ZNF521: variants seen among roughly 807,000 people sequenced by gnomAD.
The protein encoded by ZNF521 is LYST-interacting protein 3.
A neutral mutation model predicts 105.5 loss-of-function variants in ZNF521; 14 were observed. The observed-to-expected ratio is 0.13, with a 90% CI of 0.09 to 0.21. The LOEUF (loss-of-function observed/expected upper bound fraction) is 0.21. Ranked by LOEUF, ZNF521 falls within the 10% of genes least tolerant of loss-of-function variation. ZNF521 has a pLI of 1.00. For missense variants in ZNF521, 1,233 were observed against 1,629.7 expected (o/e 0.76, Z 4.19); for synonymous variants, 635 against 606.0 (o/e 1.05, Z -0.70).
chr18:25,245,601 A>G (rs1907651102), intron 3 of ZNF521, among the ~76,000 whole-genome samples: 1 of 152,208 alleles, frequency 6.6e-6, no homozygotes, highest in Admixed American at 6.5e-5. Flanking sequence ...TTGTTCATCA[A>G]ACGGGCATTT....
intron 3 of ZNF521, among the ~76,000 whole-genome samples, chr18:25,273,132 C>A (rs1164254674): frequency 1.5e-5 from 2 of 136,288 alleles, no homozygotes; most frequent in Non-Finnish European, 3.0e-5. Context: ...GGGGCTAAGG[C>A]AGGAGAATCA....
intron 5 of ZNF521, among the ~76,000 whole-genome samples, chr18:25,104,763 T>C (rs2034037690): frequency 6.6e-6 from 1 of 152,102 alleles, no homozygotes; most frequent in Non-Finnish European, 1.5e-5. Flanking sequence ...CATCTCAGAA[T>C]ACAGGAGAAA....
At chr18:25,254,581 T>A (rs1908347878) in intron 3 of ZNF521, among the ~76,000 whole-genome samples, 1 of 152,068 alleles carries the variant, frequency 6.6e-6, no homozygotes, top group South Asian at 2.1e-4. Flanking sequence ...TAGATCAAGG[T>A]AGCTTCTATA....
chr18:25,218,606 C>A (rs1336380401), intron 4 of ZNF521, among the ~76,000 whole-genome samples: 1 of 151,186 alleles, frequency 6.6e-6, no homozygotes, highest in Non-Finnish European at 1.5e-5. Flanking sequence ...GACCCATGAT[C>A]CCACCACTGT....
At chr18:25,347,925 T>G (rs988318904) in intron 2 of ZNF521, among the ~76,000 whole-genome samples, 1 of 152,228 alleles carries the variant, frequency 6.6e-6, no homozygotes, top group Admixed American at 6.5e-5. Flanking sequence ...AAGACAGAAG[T>G]TGGAAATTCA....
At chr18:25,184,116 A>G (rs1285478986) in intron 5 of ZNF521, among the ~76,000 whole-genome samples, 1 of 152,164 alleles carries the variant, frequency 6.6e-6, no homozygotes, top group Non-Finnish European at 1.5e-5. Context: ...GAAATTACCC[A>G]CTGAGACTCT....
chr18:25,278,896 A>G (rs1910200582), intron 3 of ZNF521, among the ~76,000 whole-genome samples: 1 of 152,232 alleles, frequency 6.6e-6, no homozygotes, highest in Non-Finnish European at 1.5e-5. Flanking sequence ...CAGGTACTTT[A>G]TAACTCCGTT....
At chr18:25,110,764 C>T (rs2034172091) in intron 5 of ZNF521, among the ~76,000 whole-genome samples, 1 of 151,700 alleles carries the variant, frequency 6.6e-6, no homozygotes, top group African/African-American at 2.4e-5. Context: ...TAACATTTCC[C>T]CCTCCTTTTT....
chr18:25,310,421 A>G (rs1912235875), intron 3 of ZNF521, among the ~76,000 whole-genome samples: 1 of 149,146 alleles, frequency 6.7e-6, no homozygotes. Context: ...ATTTAAAACA[A>G]AAAACAGAAA....
At chr18:25,282,361 C>A (rs80260043) in intron 3 of ZNF521, among the ~76,000 whole-genome samples, 1 of 152,042 alleles carries the variant, frequency 6.6e-6, no homozygotes, top group Admixed American at 6.5e-5. Flanking sequence ...GAAAGCCAGG[C>A]GGCTTGTGAC....
intron 5 of ZNF521, among the ~76,000 whole-genome samples, chr18:25,106,326 C>T (rs1283387409): frequency 6.6e-6 from 1 of 151,904 alleles, no homozygotes; most frequent in African/African-American, 2.4e-5. Flanking sequence ...TGGAAAATAC[C>T]AGGAAAACCA....
chr18:25,097,819 A>G (rs534531784), intron 5 of ZNF521, among the ~76,000 whole-genome samples: 10 of 152,298 alleles, frequency 6.6e-5, no homozygotes, highest in African/African-American at 2.2e-4. Context: ...TTTTTAGCCA[A>G]TGGTCTAAAG....
chr18:25,066,467 G>A (rs1032931340), intron 7 of ZNF521, among the ~76,000 whole-genome samples: 6 of 152,282 alleles, frequency 3.9e-5, no homozygotes, highest in Non-Finnish European at 2.9e-5. Context: ...TGGTTTATTC[G>A]ATTGGCTTTT....
At chr18:25,229,025 G>A (rs536687574) in intron 3 of ZNF521, among the ~76,000 whole-genome samples, 1 of 152,152 alleles carries the variant, frequency 6.6e-6, no homozygotes, top group Admixed American at 6.5e-5. Flanking sequence ...GGCTCAGTTA[G>A]AGCATTATTA....
intron 3 of ZNF521, among the ~76,000 whole-genome samples, chr18:25,233,141 AT>A (rs1906646172): frequency 6.6e-6 from 1 of 152,192 alleles, no homozygotes; most frequent in African/African-American, 2.4e-5. Context: ...CACAGTAACA[AT>A]TTTACACCAT....
Position 25,170,108 on chromosome 18 carries a change from TTTTC to T in ZNF521, c.3658+25048_3658+25051del, listed in dbSNP as rs540538854. Among the ~76,000 whole-genome samples, 770 of 151,912 alleles carry T rather than the reference TTTTC, an allele frequency of 5.1e-3. 5 individuals carry two copies. The highest frequency in any genetic ancestry group is 0.018 in the African/African-American group (750 of 41,436). On this transcript the variant is annotated intron_variant, in intron 5 of 7. Transcript: ENST00000361524. The stretch of plus-strand genomic sequence containing the variant: ...AAGCTGCAGATGTTAATAGAAGTAG[TTTTC>T]TTTCTTTCTTTTTTTTTTTTAAGGA...
At chr18:25,171,520 T>G (rs1042394186) in intron 5 of ZNF521, among the ~76,000 whole-genome samples, 8 of 152,136 alleles carry the variant, frequency 5.3e-5, no homozygotes, top group African/African-American at 1.9e-4. Flanking sequence ...TGGTGACAGA[T>G]TTATAATCTT....
chr18:25,083,242 T>A (rs2033543144), intron 7 of ZNF521, among the ~76,000 whole-genome samples: 1 of 152,128 alleles, frequency 6.6e-6, no homozygotes, highest in African/African-American at 2.4e-5. Flanking sequence ...AGACTCCTAA[T>A]CACTTGAAAA....
chr18:25,248,558 T>C (rs1039567886), intron 3 of ZNF521, among the ~76,000 whole-genome samples: 4 of 152,266 alleles, frequency 2.6e-5, no homozygotes, highest in African/African-American at 9.6e-5. Flanking sequence ...TGAAAAGCTA[T>C]ATTGATATTT....
Sources: gnomAD v4.1 joint callset for allele counts (sites outside exome capture counted in the v4.1 genomes callset) on GRCh38, gnomAD v4.1.1 for gene constraint, MANE v1.5 for transcripts, NCBI Gene and HGNC (gene_info 2026-07-23, HGNC 2026-07-21) for gene names.